Variants in UNC13A observed in about 807,000 individuals in gnomAD.
UNC13A encodes the protein unc-13 homolog A, also known as protein unc-13 homolog A.
Under a neutral mutation model 219.7 loss-of-function variants are expected in UNC13A, and 61 were observed. The ratio of observed to expected loss-of-function variants is 0.28; its 90% CI spans 0.23 to 0.34. The LOEUF (loss-of-function observed/expected upper bound fraction) is 0.34, where lower values mean the gene tolerates loss of function less well. Among genes scored for constraint, UNC13A ranks in the 10% least tolerant of loss-of-function variants. The probability of loss-of-function intolerance (pLI) is 1.00; values close to 1 mark genes in which losing one functional copy is unlikely to be tolerated. For synonymous variants in UNC13A, 920 were observed against 884.6 expected, an observed-to-expected ratio of 1.04 and a Z score of -0.71; for missense variants, 1,476 against 2,270.3, an observed-to-expected ratio of 0.65 and a Z score of 7.11.
At chr19:17,619,080 G>A in intron 38 of UNC13A, 118 bp from the exon 39 acceptor site, 6 of 912,822 alleles carry the variant, frequency 6.6e-6, no homozygotes, top group South Asian at 4.3e-5. Flanking sequence ...TTGTGTCCCA[G>A]GGACAGAGGT....
In UNC13A at chr19:17,649,579, C is replaced by T. The variant is rs1178039193; in HGVS notation, c.1448G>A (p.Gly483Asp). 1.2e-6 allele frequency: 2 copies of T among 1,613,832 alleles called. No homozygotes were observed. The highest frequency in any genetic ancestry group is 1.3e-5 in the African/African-American group (1 of 75,006). The change falls in exon 13 of 44, where the codon GGC becomes GAC. Residue 483 changes from glycine to aspartate, a missense_variant. Transcript: ENST00000519716. The surrounding 1 kb of genome is among the most constrained non-coding windows in gnomAD (Gnocchi z 4.4). The part of the protein sequence containing the change: ...KSLWFKGGPG[G>D]GLIIIDSMPD... ...CATGCTGTCGATGATGATGAGACCG[C>T]CCCCTGGGCTGAAAGACACAGAGGG...
intron 2 of UNC13A, among the ~76,000 whole-genome samples, chr19:17,675,504 C>T (rs1299067287): frequency 1.3e-5 from 2 of 151,164 alleles, no homozygotes; most frequent in Non-Finnish European, 2.9e-5. Context: ...TGGTAGAGGG[C>T]GCCTGTAATC....
chr19:17,668,637 C>T (rs1304905886), intron 5 of UNC13A, among the ~76,000 whole-genome samples: 1 of 151,728 alleles, frequency 6.6e-6, no homozygotes, highest in Non-Finnish European at 1.5e-5. Context: ...CAGGTGTGCA[C>T]CACCATGCCC....
intron 11 of UNC13A, 25 bp from the exon 12 acceptor site, chr19:17,652,702 G>A (rs762362638): frequency 6.2e-7 from 1 of 1,613,460 alleles, no homozygotes; most frequent in East Asian, 2.2e-5. Flanking sequence ...GACAGATATG[G>A]TCAGTGTGGC....
At chr19:17,606,449 A>G in intron 43 of UNC13A, 95 bp from the exon 44 acceptor site, 1 of 1,462,052 alleles carries the variant, frequency 6.8e-7, no homozygotes. Context: ...CCACGCCCAC[A>G]CCGGGGTGCC....
In UNC13A at chr19:17,602,206, A is replaced by G; in HGVS notation, c.*3848T>C. ...TTCGAGGACAGACTGGTAAGAGTGAACAGATCCTTCTTTCTTCAGGACACC... is the reference window on the plus strand; with the variant it reads ...TTCGAGGACAGACTGGTAAGAGTGAGCAGATCCTTCTTTCTTCAGGACACC... On this transcript the variant is annotated 3_prime_UTR_variant, in exon 44 of 44. Transcript: ENST00000519716. 1 of 152,752 alleles carries G rather than the reference A, an allele frequency of 6.5e-6. No individual in the cohort carries two copies. The highest frequency in any genetic ancestry group is 1.5e-5 in the Non-Finnish European group (1 of 68,098). 9.5% of individuals were successfully genotyped at this position (152,752 alleles called of 1,614,324 possible).
intron 24 of UNC13A, 67 bp downstream of exon 24, chr19:17,639,369 T>C: frequency 1.3e-6 from 2 of 1,574,026 alleles, no homozygotes; most frequent in Non-Finnish European, 1.7e-6. Flanking sequence ...GAATGTCACT[T>C]GTCCTGGGAG....
Position 17,619,133 on chromosome 19 carries a change from G to A in UNC13A, c.4273-171C>T, listed in dbSNP as rs1022018648. ...GAACTGAGGAGGATGTGGTGACCTTGTCCCTGAAAATCCCGGTCCTGTGAG... is the reference window on the plus strand; with the variant it reads ...GAACTGAGGAGGATGTGGTGACCTTATCCCTGAAAATCCCGGTCCTGTGAG... On this transcript the variant is annotated intron_variant, in intron 38 of 43. Transcript: ENST00000519716. The A allele has an allele frequency of 7.8e-6, 5 of 637,446 alleles. 1 individual carries two copies. Among genetic ancestry groups the A allele is most frequent in the Non-Finnish European group, 1.4e-5 (5 of 364,016 alleles). The allele number at this position is 637,446 out of a possible 1,614,324, so 39.5% of individuals were successfully genotyped here. A position where few individuals can be genotyped will look rare whatever the true frequency, so the allele number is the denominator to read the frequency against.
At chr19:17,677,613 C>T (rs553476951) in intron 1 of UNC13A, among the ~76,000 whole-genome samples, 374 of 152,240 alleles carry the variant, frequency 2.5e-3, no homozygotes, top group African/African-American at 8.4e-3. Context: ...GTGATCCATC[C>T]GCCTTGGCCT....
intron 40 of UNC13A, 97 bp downstream of exon 40, chr19:17,618,324 A>C (rs1216736126): frequency 7.6e-7 from 1 of 1,310,778 alleles, no homozygotes; most frequent in Non-Finnish European, 1.1e-6. Context: ...TAAATTGAAC[A>C]AATTAATGTG....
At position 17,641,576 on chromosome 19, in the gene UNC13A, A is replaced by G. The variant is rs755740189; in HGVS notation, c.2473-20T>C. ...CAGGTTCTGCCACCATGGGAGAGAA[A>G]GTGTCATGGAGAGTGCAAGGGGTCG... On this transcript the variant is annotated intron_variant, in intron 20 of 43. Transcript: ENST00000519716. 3 of 1,612,662 alleles carry G rather than the reference A, an allele frequency of 1.9e-6. No homozygotes were observed. Among genetic ancestry groups the G allele is most frequent in the Non-Finnish European group, 2.5e-6 (3 of 1,178,872 alleles).
chr19:17,652,705 A>AT (rs750101884), intron 11 of UNC13A, 28 bp from the exon 12 acceptor site: 13 of 1,613,128 alleles, frequency 8.1e-6, no homozygotes, highest in Non-Finnish European at 8.5e-6. Context: ...AGATATGGTC[A>AT]GTGTGGCTGT....
chr19:17,670,740 C>A (rs892959518), intron 4 of UNC13A, among the ~76,000 whole-genome samples: 7 of 151,630 alleles, frequency 4.6e-5, no homozygotes, highest in African/African-American at 1.5e-4. Context: ...CCCATCTCTA[C>A]TAAAAATGCA....
intron 19 of UNC13A, among the ~76,000 whole-genome samples, chr19:17,644,335 C>T (rs1013414589): frequency 3.3e-5 from 5 of 150,312 alleles, no homozygotes; most frequent in Non-Finnish European, 7.4e-5. Flanking sequence ...ACTACAGGCA[C>T]GCATCACCAC....
intron 1 of UNC13A, among the ~76,000 whole-genome samples, chr19:17,684,470 G>A (rs2080073335): frequency 6.6e-6 from 1 of 152,188 alleles, no homozygotes. Context: ...AATGCTTGTT[G>A]CATAAATAAA....
chr19:17,618,644 G>A, intron 39 of UNC13A, 143 bp from the exon 40 acceptor site: 1 of 855,886 alleles, frequency 1.2e-6, no homozygotes, highest in South Asian at 1.7e-5. Flanking sequence ...ATATGTGACT[G>A]GTACACAGCA....
chr19:17,630,869 T>C lies in UNC13A; in HGVS notation c.3429-119A>G, dbSNP rs112606741. On this transcript the variant is annotated intron_variant, in intron 28 of 43. Transcript: ENST00000519716. Reference sequence around the variant, plus strand: ...GCTGCTCCTGCTCTGCCTGGAGCTCTCCCTGCAGCCTTGAGTGGCTGCTCC... The same window carrying C: ...GCTGCTCCTGCTCTGCCTGGAGCTCCCCCTGCAGCCTTGAGTGGCTGCTCC... The C allele has an allele frequency of 9.9e-4, 842 of 851,444 alleles. 5 individuals are homozygous for C. The African/African-American group carries it at 0.012, about 12-fold the overall frequency. 52.7% of individuals were successfully genotyped at this position (851,444 alleles called of 1,614,324 possible).
At chr19:17,655,527 G>C in intron 10 of UNC13A, 145 bp from the exon 11 acceptor site, 1 of 738,722 alleles carries the variant, frequency 1.4e-6, no homozygotes, top group South Asian at 1.8e-5. Flanking sequence ...GAGTCCCCTG[G>C]CCCACCTCAG....
intron 38 of UNC13A, 54 bp downstream of exon 38, chr19:17,620,638 TG>T: frequency 8.0e-7 from 1 of 1,246,776 alleles, no homozygotes; most frequent in Non-Finnish European, 1.1e-6. Flanking sequence ...GGCACAGGGG[TG>T]GGGTGGGGGG....
Sources: gnomAD v4.1 joint callset for allele counts (sites outside exome capture counted in the v4.1 genomes callset) on GRCh38, gnomAD v4.1.1 for gene constraint, Gnocchi (gnomAD v3.1) non-coding constraint, MANE v1.5 for transcripts, NCBI Gene and HGNC (gene_info 2026-07-23, HGNC 2026-07-21) for gene names.